TCF12: variants seen among roughly 807,000 people sequenced by gnomAD.
The protein encoded by TCF12 is DNA-binding protein HTF4.
A neutral mutation model predicts 86.0 loss-of-function variants in TCF12; 45 were observed. The ratio of observed to expected loss-of-function variants is 0.52; its 90% CI spans 0.41 to 0.67. The LOEUF (loss-of-function observed/expected upper bound fraction) is 0.67, where lower values mean the gene tolerates loss of function less well. Among genes scored for constraint, TCF12 ranks in the 30% least tolerant of loss-of-function variants. The pLI is 0.00. For missense variants in TCF12, 881 were observed against 859.9 expected (o/e 1.02, Z -0.31); for synonymous variants, 330 against 299.6 (o/e 1.10, Z -1.05).
chr15:56,940,577 T>TCTCCTTCTCCTCCTCCTC (rs1293336690), intron 3 of TCF12, among the ~76,000 whole-genome samples: 7 of 148,578 alleles, frequency 4.7e-5, no homozygotes, highest in Non-Finnish European at 7.4e-5. Context: ...TTCTTCTTCT[T>TCTCCTTCTCCTCCTCCTC]CTCCTTCTCC....
chr15:57,123,641 T>A (rs1262988013), intron 5 of TCF12, among the ~76,000 whole-genome samples: 1 of 150,818 alleles, frequency 6.6e-6, no homozygotes, highest in Admixed American at 6.6e-5. Flanking sequence ...ACCACTACAC[T>A]CAGCTAATGT....
At chr15:57,114,503 G>T (rs183316384) in intron 5 of TCF12, among the ~76,000 whole-genome samples, 1 of 152,040 alleles carries the variant, frequency 6.6e-6, no homozygotes, top group African/African-American at 2.4e-5. Context: ...TCAGTTTGTT[G>T]CCCATGCTGG....
intron 5 of TCF12, among the ~76,000 whole-genome samples, chr15:57,107,142 T>G (rs1444349911): frequency 6.6e-6 from 1 of 152,214 alleles, no homozygotes; most frequent in African/African-American, 2.4e-5. Flanking sequence ...TTGTTCATAA[T>G]TGCCAAACCT....
At chr15:57,152,661 A>AG (rs747127122) in intron 5 of TCF12, among the ~76,000 whole-genome samples, 2 of 152,182 alleles carry the variant, frequency 1.3e-5, no homozygotes, top group Non-Finnish European at 2.9e-5. Flanking sequence ...AAACACAAAG[A>AG]GAAAAAAAAT....
intron 3 of TCF12, among the ~76,000 whole-genome samples, chr15:57,025,213 G>A (rs2065750169): frequency 6.6e-6 from 1 of 152,042 alleles, no homozygotes; most frequent in Non-Finnish European, 1.5e-5. Context: ...CCTAGTAACT[G>A]GGACTACAGG....
At chr15:57,205,591 C>T (rs1322543793) in intron 8 of TCF12, among the ~76,000 whole-genome samples, 3 of 152,192 alleles carry the variant, frequency 2.0e-5, no homozygotes, top group Non-Finnish European at 4.4e-5. Flanking sequence ...GTGGCTTATT[C>T]AGTCTCTGAC....
At chr15:57,145,035 A>G (rs1457507941) in intron 5 of TCF12, among the ~76,000 whole-genome samples, 5 of 152,238 alleles carry the variant, frequency 3.3e-5, no homozygotes, top group East Asian at 3.8e-4. Flanking sequence ...ATCAAATACA[A>G]TGTTTATTGT....
At chr15:57,150,921 T>C in intron 5 of TCF12, among the ~76,000 whole-genome samples, 1 of 136,600 alleles carries the variant, frequency 7.3e-6, no homozygotes, top group African/African-American at 2.7e-5. Flanking sequence ...CTTCCTTCCT[T>C]CCTTCCTTCC....
chr15:57,086,221 A>G (rs865876715), intron 4 of TCF12, among the ~76,000 whole-genome samples: 1,866 of 148,394 alleles, frequency 0.013, 41 homozygotes, highest in African/African-American at 0.044. Flanking sequence ...TGATAATAAT[A>G]ATAATAATAA....
At chr15:56,925,216 A>T (rs963456642) in intron 3 of TCF12, among the ~76,000 whole-genome samples, 143 of 151,864 alleles carry the variant, frequency 9.4e-4, no homozygotes, top group Middle Eastern at 3.4e-3. Context: ...AACAAAAAAA[A>T]ACCACAAACA....
chr15:57,285,441 A>G (rs1226915138), intron 20 of TCF12, among the ~76,000 whole-genome samples: 1 of 152,208 alleles, frequency 6.6e-6, no homozygotes, highest in African/African-American at 2.4e-5. Flanking sequence ...ATAGAGTAAA[A>G]TATTCTTAAT....
intron 3 of TCF12, among the ~76,000 whole-genome samples, chr15:56,976,996 G>A (rs1223220625): frequency 1.3e-5 from 2 of 152,118 alleles, no homozygotes; most frequent in Non-Finnish European, 2.9e-5. Flanking sequence ...GTGCTCAATA[G>A]CTATATGTAT....
At chr15:56,929,779 A>C (rs2060166788) in intron 3 of TCF12, among the ~76,000 whole-genome samples, 1 of 152,128 alleles carries the variant, frequency 6.6e-6, no homozygotes, top group Non-Finnish European at 1.5e-5. Context: ...CTACTACCAT[A>C]ACTTACTGTA....
At chr15:57,278,729 C>CCCTCTCTCT (rs1290233786) in intron 19 of TCF12, 1 of 80,074 alleles carries the variant, frequency 1.2e-5, no homozygotes, top group Non-Finnish European at 2.2e-5. Flanking sequence ...TCCCTCCCTC[C>CCCTCTCTCT]CCTCTCTCTC....
At chr15:57,151,619 G>A (rs2053766133) in intron 5 of TCF12, among the ~76,000 whole-genome samples, 1 of 152,028 alleles carries the variant, frequency 6.6e-6, no homozygotes, top group African/African-American at 2.4e-5. Flanking sequence ...ACAAAAATTA[G>A]CTGGGTGTGG....
chr15:57,113,914 C>T (rs889206652), intron 5 of TCF12, among the ~76,000 whole-genome samples: 1 of 151,906 alleles, frequency 6.6e-6, no homozygotes, highest in South Asian at 2.1e-4. Context: ...CATGATGATG[C>T]CCCTGTAGTT....
At chr15:57,247,856 C>T (rs1280411377) in intron 13 of TCF12, 7 of 757,306 alleles carry the variant, frequency 9.2e-6, no homozygotes, top group Non-Finnish European at 1.4e-5. Flanking sequence ...CATTACCACA[C>T]AATCTGTGAG....
Position 57,139,925 on chromosome 15 carries a change from A to G in TCF12, c.326-26477A>G, listed in dbSNP as rs907030251. On this transcript the variant is annotated intron_variant, in intron 5 of 20. Coordinates refer to ENST00000333725, the MANE Select transcript of TCF12 (RefSeq NM_207037.2). Reference sequence around the variant, plus strand: ...TCATTCAGTCATTATCAGTATTAACATTTGGAGTATAGTAGATGCCGTCTT... The same window carrying G: ...TCATTCAGTCATTATCAGTATTAACGTTTGGAGTATAGTAGATGCCGTCTT... Among the ~76,000 whole-genome samples the G allele has an allele frequency of 1.1e-4, 17 of 152,342 alleles. 1 individual carries two copies. Among genetic ancestry groups the G allele is most frequent in the Middle Eastern group, 3.4e-3 (1 of 294 alleles).
At chr15:57,259,309 T>C (rs2060481001) in intron 16 of TCF12, among the ~76,000 whole-genome samples, 1 of 152,208 alleles carries the variant, frequency 6.6e-6, no homozygotes, top group Non-Finnish European at 1.5e-5. Flanking sequence ...AGACAGTATG[T>C]AAAGATCCTT....
Sources: gnomAD v4.1 joint callset for allele counts (sites outside exome capture counted in the v4.1 genomes callset) on GRCh38, gnomAD v4.1.1 for gene constraint, MANE v1.5 for transcripts, NCBI Gene and HGNC (gene_info 2026-07-23, HGNC 2026-07-21) for gene names.